The following MACROD2 variants were observed in gnomAD, a reference collection of about 807,000 sequenced individuals.
MACROD2 encodes ADP-ribose glycohydrolase MACROD2.
Under a neutral mutation model 70.4 loss-of-function variants are expected in MACROD2, and 36 were observed. The observed-to-expected ratio is 0.51, with a 90% CI of 0.39 to 0.68. MACROD2 has a LOEUF of 0.68. MACROD2 is among the 30% of genes least tolerant of loss of function. The probability of loss-of-function intolerance (pLI) is 0.00; values close to 1 mark genes in which losing one functional copy is unlikely to be tolerated. For missense variants in MACROD2, 496 were observed against 538.4 expected (o/e 0.92, Z 0.78); for synonymous variants, 172 against 178.8 (o/e 0.96, Z 0.30).
intron 4 of MACROD2, among the ~76,000 whole-genome samples, chr20:14,670,496 T>C (rs776164640): frequency 6.6e-6 from 1 of 152,164 alleles, no homozygotes; most frequent in Non-Finnish European, 1.5e-5. Flanking sequence ...CACTCTGGCA[T>C]TGTCTTTACA....
intron 10 of MACROD2, among the ~76,000 whole-genome samples, chr20:15,890,182 A>T (rs2064870714): frequency 6.6e-6 from 1 of 152,204 alleles, no homozygotes. Context: ...ATAAAATATT[A>T]GTACTTTAGG....
At chr20:14,403,391 T>C (rs566394646) in intron 3 of MACROD2, among the ~76,000 whole-genome samples, 1 of 152,314 alleles carries the variant, frequency 6.6e-6, no homozygotes, top group South Asian at 2.1e-4. Context: ...CTCAATTATT[T>C]GGTTGGCTTT....
At chr20:14,244,912 A>C (rs1251606924) in intron 3 of MACROD2, among the ~76,000 whole-genome samples, 2 of 152,182 alleles carry the variant, frequency 1.3e-5, no homozygotes, top group Non-Finnish European at 2.9e-5. Flanking sequence ...AACCCTAAGC[A>C]CACAGTTGTT....
intron 9 of MACROD2, among the ~76,000 whole-genome samples, chr20:15,880,828 T>G (rs6034317): frequency 0.34 from 52,252 of 151,574 alleles, 9,770 homozygotes; most frequent in East Asian, 0.55. Flanking sequence ...GAACAAGGAG[T>G]TATAGGCAGG....
At chr20:15,583,087 C>T (rs929969735) in intron 8 of MACROD2, among the ~76,000 whole-genome samples, 8 of 152,038 alleles carry the variant, frequency 5.3e-5, no homozygotes, top group African/African-American at 1.5e-4. Context: ...CGGTTTGTGT[C>T]GATGCTATTC....
intron 5 of MACROD2, among the ~76,000 whole-genome samples, chr20:14,975,101 C>T (rs998256812): frequency 6.6e-6 from 1 of 152,062 alleles, no homozygotes; most frequent in African/African-American, 2.4e-5. Flanking sequence ...GTAGCATGCA[C>T]CTCCAACCCC....
chr20:15,123,378 A>G (rs900436509), intron 5 of MACROD2, among the ~76,000 whole-genome samples: 3 of 152,130 alleles, frequency 2.0e-5, no homozygotes, highest in Non-Finnish European at 2.9e-5. Flanking sequence ...TTCTAGACCT[A>G]TTATGTTCAA....
At chr20:14,551,409 TCTC>T (rs1209862824) in intron 4 of MACROD2, among the ~76,000 whole-genome samples, 2 of 152,230 alleles carry the variant, frequency 1.3e-5, no homozygotes, top group Non-Finnish European at 2.9e-5. Context: ...AAAATGTTCT[TCTC>T]TTGTAATGGA....
intron 6 of MACROD2, among the ~76,000 whole-genome samples, chr20:15,356,560 A>G (rs747527942): frequency 1.3e-5 from 2 of 152,036 alleles, no homozygotes; most frequent in Non-Finnish European, 2.9e-5. Context: ...AGGTGGGCAG[A>G]TCACTTGAGG....
chr20:15,428,474 G>T (rs960159232), intron 6 of MACROD2, among the ~76,000 whole-genome samples: 1 of 152,176 alleles, frequency 6.6e-6, no homozygotes, highest in African/African-American at 2.4e-5. Context: ...AAAATTTCCA[G>T]TTGAAATATA....
chr20:15,775,139 A>G (rs559059066), intron 8 of MACROD2, among the ~76,000 whole-genome samples: 84 of 152,224 alleles, frequency 5.5e-4, no homozygotes, highest in African/African-American at 1.9e-3. Context: ...GAATATACAT[A>G]TTTAATAAGC....
Position 14,438,738 on chromosome 20 carries a change from G to T in MACROD2, c.272-54741G>T, listed in dbSNP as rs150351002. On this transcript the variant is annotated intron_variant, in intron 3 of 17. Transcript: ENST00000684519. ...GGAGAAATGCATATTCAAGTTCTTC[G>T]CCCATTTTAAAATTGGATTATATGT... is the stretch of plus-strand genomic sequence containing the variant. Among the ~76,000 whole-genome samples, 6 of 152,164 alleles carry T rather than the reference G, an allele frequency of 3.9e-5. No individual in the cohort carries two copies. In the South Asian group the frequency reaches 1.2e-3, roughly 32 times the overall value.
intron 8 of MACROD2, among the ~76,000 whole-genome samples, chr20:15,533,824 G>A (rs2047838193): frequency 6.6e-6 from 1 of 152,088 alleles, no homozygotes; most frequent in Non-Finnish European, 1.5e-5. Context: ...AGGGTGGAGT[G>A]GGAGACTTGT....
intron 4 of MACROD2, among the ~76,000 whole-genome samples, chr20:14,609,342 G>A (rs182257225): frequency 2.0e-5 from 3 of 152,192 alleles, no homozygotes; most frequent in Non-Finnish European, 4.4e-5. Context: ...ATGAATCCAG[G>A]ATAGTTTCCG....
chr20:14,537,700 T>C (rs2085382598), intron 4 of MACROD2, among the ~76,000 whole-genome samples: 1 of 152,204 alleles, frequency 6.6e-6, no homozygotes, highest in African/African-American at 2.4e-5. Flanking sequence ...ATGTATAGAA[T>C]GTCTACTTCT....
At chr20:15,091,457 AAG>A (rs2075792755) in intron 5 of MACROD2, among the ~76,000 whole-genome samples, 1 of 152,196 alleles carries the variant, frequency 6.6e-6, no homozygotes. Context: ...CTGTTTAAAA[AAG>A]AGTTTAGGAA....
intron 3 of MACROD2, among the ~76,000 whole-genome samples, chr20:14,420,381 GTTGT>G (rs1330833257): frequency 2.0e-5 from 3 of 152,012 alleles, no homozygotes; most frequent in African/African-American, 7.2e-5. Flanking sequence ...AGTAACACTT[GTTGT>G]TTCTTATTTT....
At chr20:14,022,147 A>G (rs572117078) in intron 2 of MACROD2, among the ~76,000 whole-genome samples, 1 of 152,362 alleles carries the variant, frequency 6.6e-6, no homozygotes, top group Non-Finnish European at 1.5e-5. Flanking sequence ...AATTGCACAC[A>G]GAACTTCCTC....
chr20:14,236,917 T>A (rs2081879261), intron 3 of MACROD2, among the ~76,000 whole-genome samples: 1 of 152,198 alleles, frequency 6.6e-6, no homozygotes, highest in Non-Finnish European at 1.5e-5. Flanking sequence ...TTCTTGGATC[T>A]AATTCCTTCT....
Sources: gnomAD v4.1 joint callset for allele counts (sites outside exome capture counted in the v4.1 genomes callset) on GRCh38, gnomAD v4.1.1 for gene constraint, MANE v1.5 for transcripts, NCBI Gene and HGNC (gene_info 2026-07-23, HGNC 2026-07-21) for gene names.